RABL3: variants seen among roughly 807,000 people sequenced by gnomAD.
RABL3 encodes RAB, member of RAS oncogene family like 3, also known as rab-like protein 3.
RABL3 carries 31 observed loss-of-function variants against 31.8 expected under a neutral mutation model. The observed-to-expected ratio is 0.97, with a 90% CI of 0.73 to 1.31. The LOEUF is 1.31. RABL3 is among the 40% of genes most tolerant of loss of function. The pLI is 0.00. For missense variants in RABL3, 263 were observed against 279.6 expected, an observed-to-expected ratio of 0.94 and a Z score of 0.42; for synonymous variants, 97 against 99.9, an observed-to-expected ratio of 0.97 and a Z score of 0.18.
At chr3:120,736,350 A>G (rs1489986956) in intron 1 of RABL3, among the ~76,000 whole-genome samples, 1 of 152,202 alleles carries the variant, frequency 6.6e-6, no homozygotes, top group Non-Finnish European at 1.5e-5. Context: ...GTTTTATCAG[A>G]AACTAGGATT....
At chr3:120,734,110 G>A (rs1374031619) in intron 1 of RABL3, among the ~76,000 whole-genome samples, 1 of 152,118 alleles carries the variant, frequency 6.6e-6, no homozygotes, top group Admixed American at 6.5e-5. Context: ...GATGGGGATG[G>A]CATTGAATCT....
intron 2 of RABL3, among the ~76,000 whole-genome samples, chr3:120,714,295 T>A (rs1708644082): frequency 6.6e-6 from 1 of 152,014 alleles, no homozygotes; most frequent in Admixed American, 6.6e-5. Context: ...GAGAGAAGGG[T>A]GAAAAAGAGA....
intron 2 of RABL3, among the ~76,000 whole-genome samples, chr3:120,723,340 TG>T (rs1196111827): frequency 6.6e-6 from 1 of 152,158 alleles, no homozygotes; most frequent in Non-Finnish European, 1.5e-5. Context: ...CAGGACCAGA[TG>T]GATTCACAGC....
At chr3:120,740,108 GC>G (rs2107600749) in intron 1 of RABL3, among the ~76,000 whole-genome samples, 1 of 152,224 alleles carries the variant, frequency 6.6e-6, no homozygotes, top group South Asian at 2.1e-4. Flanking sequence ...ATAAATGTCA[GC>G]TCCAAATACA....
At chr3:120,691,519 C>T (rs945402443) in intron 6 of RABL3, among the ~76,000 whole-genome samples, 4 of 152,204 alleles carry the variant, frequency 2.6e-5, no homozygotes. Context: ...TTAGATGATT[C>T]TGCCTAACTG....
chr3:120,691,606 A>C (rs1708381018), intron 6 of RABL3, among the ~76,000 whole-genome samples: 1 of 152,220 alleles, frequency 6.6e-6, no homozygotes, highest in African/African-American at 2.4e-5. Context: ...TGGGTGTAAT[A>C]AATGTATTTT....
chr3:120,704,209 C>A (rs556767230), intron 4 of RABL3, among the ~76,000 whole-genome samples: 2 of 152,036 alleles, frequency 1.3e-5, no homozygotes, highest in African/African-American at 2.4e-5. Flanking sequence ...TACACCATGA[C>A]CAAGGAATGG....
At chr3:120,690,258 ATT>A (rs1174723235) in intron 7 of RABL3, among the ~76,000 whole-genome samples, 189 bp downstream of exon 7, 10 of 152,188 alleles carry the variant, frequency 6.6e-5, no homozygotes, top group African/African-American at 2.4e-4. Flanking sequence ...CCTAGATTAT[ATT>A]TGTTTCCTAG....
chr3:120,722,289 T>C (rs1218753118), intron 2 of RABL3: 1 of 152,104 alleles, frequency 6.6e-6, no homozygotes, highest in Admixed American at 6.6e-5. Context: ...TACCATACGT[T>C]TGAAGAACCA....
At chr3:120,705,489 C>G (rs957101420) in intron 4 of RABL3, among the ~76,000 whole-genome samples, 1 of 152,154 alleles carries the variant, frequency 6.6e-6, no homozygotes, top group Non-Finnish European at 1.5e-5. Flanking sequence ...TTGACTCATA[C>G]TAATATGGTC....
In RABL3 at chr3:120,728,316, T is replaced by C. The variant is rs1158402669; in HGVS notation, c.138+2380A>G. Among the ~76,000 whole-genome samples the C allele has an allele frequency of 2.0e-5, 3 of 152,334 alleles. No homozygotes were observed. In the East Asian group the frequency reaches 5.8e-4, roughly 29 times the overall value. Reference sequence around the variant, plus strand: ...CTCAATAAAGCACATATTATTGACCTCTGTTTTCCAGATGATATAACCATG... The same window carrying C: ...CTCAATAAAGCACATATTATTGACCCCTGTTTTCCAGATGATATAACCATG... On this transcript the variant is annotated intron_variant, in intron 2 of 7. Coordinates refer to ENST00000273375, the MANE Select transcript of RABL3 (RefSeq NM_173825.5).
rs1450396655 is a variant in RABL3 at position 120,687,359 on chromosome 3, T to C, written c.*2464A>G. ...AGGCAGTGGTGCAATCATGAATCAC[T>C]GCAGCCTCAAACTCCCGAGCTCAAG... On this transcript the variant is annotated 3_prime_UTR_variant, in exon 8 of 8. Coordinates refer to ENST00000273375, the MANE Select transcript of RABL3 (RefSeq NM_173825.5). 2 of 152,246 alleles carry C rather than the reference T, an allele frequency of 1.3e-5. No individual in the cohort carries two copies. Among genetic ancestry groups the C allele is most frequent in the East Asian group, 1.9e-4 (1 of 5,202 alleles). The allele number at this position is 152,246 out of a possible 1,614,324, so 9.4% of individuals were successfully genotyped here.
intron 2 of RABL3, among the ~76,000 whole-genome samples, chr3:120,713,832 A>G (rs987172682): frequency 8.4e-5 from 10 of 119,646 alleles, no homozygotes; most frequent in Admixed American, 1.0e-4. Context: ...TTTTTTTGAG[A>G]TGGAGTCTCA....
Position 120,698,426 on chromosome 3 carries a change from A to G in RABL3, c.531T>C (p.Asn177=). 2.5e-6 allele frequency: 4 copies of G among 1,612,386 alleles called. No individual in the cohort carries two copies. Among genetic ancestry groups the G allele is most frequent in the South Asian group, 1.1e-5 (1 of 90,550 alleles). The change falls in exon 5 of 8, where the codon AAT becomes AAC. Residue 177 remains asparagine (N), a synonymous_variant. Transcript: ENST00000273375. The part of the protein sequence containing the change: ...LAEDFNPEEI[N]LDCTNPRYLA... ...ATGCATTAGTGAAAATACATACCAA[A>G]TTAATTTCTTCTGGATTGAAATCCT...
At chr3:120,718,109 A>C (rs1377067839) in intron 2 of RABL3, among the ~76,000 whole-genome samples, 1 of 152,068 alleles carries the variant, frequency 6.6e-6, no homozygotes, top group Non-Finnish European at 1.5e-5. Context: ...CCTTCTCCAA[A>C]TATTTCCACT....
intron 2 of RABL3, among the ~76,000 whole-genome samples, chr3:120,719,343 A>G (rs1002842981): frequency 6.6e-5 from 10 of 152,204 alleles, no homozygotes; most frequent in African/African-American, 2.4e-4. Context: ...GGAGTGCCAG[A>G]CAGTGGGTGC....
At chr3:120,704,768 A>G (rs893009938) in intron 4 of RABL3, among the ~76,000 whole-genome samples, 1 of 152,192 alleles carries the variant, frequency 6.6e-6, no homozygotes, top group African/African-American at 2.4e-5. Flanking sequence ...ATTTATGGCC[A>G]GGTATGGTGG....
At chr3:120,689,951 A>G in intron 7 of RABL3, 63 bp from the exon 8 acceptor site, 2 of 1,328,394 alleles carry the variant, frequency 1.5e-6, no homozygotes, top group Middle Eastern at 1.9e-4. Flanking sequence ...ACTAATAGTA[A>G]TTTTTCCCTT....
intron 1 of RABL3, among the ~76,000 whole-genome samples, chr3:120,741,131 T>C (rs531506756): frequency 1.4e-4 from 21 of 152,366 alleles, no homozygotes; most frequent in African/African-American, 4.6e-4. Context: ...TAGTTCTGGA[T>C]TGTAAATTCT....
Sources: allele counts gnomAD v4.1 joint callset (sites outside exome capture counted in the v4.1 genomes callset), GRCh38; gene constraint gnomAD v4.1.1; transcripts MANE v1.5; gene names NCBI Gene and HGNC (gene_info 2026-07-23, HGNC 2026-07-21).